The following WDR7 variants were observed in gnomAD, a reference collection of about 807,000 sequenced individuals.
WDR7 encodes the protein WD repeat domain 7.
Under a neutral mutation model 169.4 loss-of-function variants are expected in WDR7, and 46 were observed. That is an observed-to-expected ratio of 0.27 (90% CI 0.21 to 0.35). WDR7 has a LOEUF of 0.35. Ranked by LOEUF, WDR7 falls within the 10% of genes least tolerant of loss-of-function variation. The probability of loss-of-function intolerance (pLI) is 1.00; values close to 1 mark genes in which losing one functional copy is unlikely to be tolerated. For synonymous variants in WDR7, 612 were observed against 666.8 expected, an observed-to-expected ratio of 0.92 and a Z score of 1.27; for missense variants, 1,534 against 1,859.3, an observed-to-expected ratio of 0.83 and a Z score of 3.22.
chr18:56,981,787 T>G (rs751764592), intron 26 of WDR7, among the ~76,000 whole-genome samples: 17 of 152,140 alleles, frequency 1.1e-4, no homozygotes, highest in Non-Finnish European at 2.2e-4. Flanking sequence ...AGCAGTGGAC[T>G]AAGTAGGAAG....
At chr18:56,675,490 ATTTAT>A (rs1450022446) in intron 2 of WDR7, among the ~76,000 whole-genome samples, 5 of 151,656 alleles carry the variant, frequency 3.3e-5, no homozygotes, top group Non-Finnish European at 7.4e-5. Context: ...GAATTTTTCC[ATTTAT>A]TTTATTTTCA....
chr18:56,818,605 C>T (rs945234062), intron 20 of WDR7, among the ~76,000 whole-genome samples: 1 of 152,096 alleles, frequency 6.6e-6, no homozygotes, highest in African/African-American at 2.4e-5. Flanking sequence ...GCCTGTAGAT[C>T]GTTCGGGTTA....
chr18:56,774,984 A>G (rs1374652642), intron 16 of WDR7, among the ~76,000 whole-genome samples: 2 of 152,094 alleles, frequency 1.3e-5, no homozygotes, highest in African/African-American at 2.4e-5. Flanking sequence ...AATAGTTAAT[A>G]TGTTAAACAA....
At chr18:56,950,766 C>A (rs1185472866) in intron 25 of WDR7, among the ~76,000 whole-genome samples, 2 of 152,170 alleles carry the variant, frequency 1.3e-5, no homozygotes, top group Non-Finnish European at 2.9e-5. Context: ...TCTTGGGATT[C>A]CTGACTGTCC....
intron 26 of WDR7, among the ~76,000 whole-genome samples, chr18:57,010,678 A>G (rs904757024): frequency 6.6e-5 from 10 of 152,240 alleles, no homozygotes; most frequent in Admixed American, 5.9e-4. Flanking sequence ...TCAATTATGT[A>G]TAATTTAATT....
intron 16 of WDR7, among the ~76,000 whole-genome samples, chr18:56,762,029 T>C (rs1391634894): frequency 1.3e-5 from 2 of 152,076 alleles, no homozygotes; most frequent in South Asian, 2.1e-4. Context: ...TTTTATTCCT[T>C]CTTTGCTAAT....
chr18:56,931,427 T>C (rs896906307), intron 22 of WDR7, among the ~76,000 whole-genome samples: 1 of 152,256 alleles, frequency 6.6e-6, no homozygotes, highest in African/African-American at 2.4e-5. Flanking sequence ...TTGCTTTGAC[T>C]TCATTGCCTG....
At chr18:56,735,197 A>G (rs2026673261) in intron 14 of WDR7, among the ~76,000 whole-genome samples, 1 of 152,180 alleles carries the variant, frequency 6.6e-6, no homozygotes, top group South Asian at 2.1e-4. Flanking sequence ...GGCCCTGGAA[A>G]TGTGGAAAAG....
chr18:56,792,165 A>T (rs1441802208), intron 19 of WDR7, among the ~76,000 whole-genome samples: 1 of 152,086 alleles, frequency 6.6e-6, no homozygotes, highest in Non-Finnish European at 1.5e-5. Context: ...CCACAGGTGC[A>T]CGCCACCATG....
chr18:56,807,598 A>G (rs1270064901), intron 19 of WDR7, among the ~76,000 whole-genome samples: 3 of 151,954 alleles, frequency 2.0e-5, no homozygotes, highest in Non-Finnish European at 4.4e-5. Flanking sequence ...TTTTACTTAC[A>G]TATTTTTCAG....
chr18:56,666,782 T>C (rs2025033676), intron 1 of WDR7, among the ~76,000 whole-genome samples: 1 of 152,124 alleles, frequency 6.6e-6, no homozygotes, highest in South Asian at 2.1e-4. Flanking sequence ...TGAGATCAGT[T>C]TGATGTGTGA....
intron 21 of WDR7, among the ~76,000 whole-genome samples, chr18:56,891,842 C>T (rs1445836655): frequency 2.0e-5 from 3 of 152,014 alleles, no homozygotes; most frequent in Admixed American, 6.6e-5. Flanking sequence ...TTAAATATAA[C>T]ACTAAATATT....
In WDR7 at chr18:56,651,414, G is replaced by C. The variant is rs941745780; in HGVS notation, c.-182G>C. The C allele has an allele frequency of 6.5e-6, 1 of 153,502 alleles. No homozygotes were observed. The allele number at this position is 153,502 out of a possible 1,614,324, so 9.5% of individuals were successfully genotyped here. On this transcript the variant is annotated 5_prime_UTR_variant, in exon 1 of 28. Coordinates refer to ENST00000254442, the MANE Select transcript of WDR7 (RefSeq NM_015285.3). ...GCACCGGCACCTTGCAGTATCACTG[G>C]GGAGACGGCGGCTGTATAGCGCTTG...
chr18:56,761,368 T>C (rs142494436), intron 16 of WDR7, among the ~76,000 whole-genome samples: 7 of 152,296 alleles, frequency 4.6e-5, no homozygotes, highest in African/African-American at 1.2e-4. Context: ...CATTGATTGG[T>C]TTGTCTAGCC....
intron 20 of WDR7, among the ~76,000 whole-genome samples, chr18:56,871,332 A>G (rs555012333): frequency 3.3e-5 from 5 of 152,280 alleles, no homozygotes; most frequent in African/African-American, 1.2e-4. Flanking sequence ...ACCATAATAG[A>G]AAGTATTTTC....
intron 19 of WDR7, among the ~76,000 whole-genome samples, chr18:56,782,569 G>A (rs1194936028): frequency 6.6e-6 from 1 of 151,788 alleles, no homozygotes; most frequent in Non-Finnish European, 1.5e-5. Flanking sequence ...AAGTGTGAGT[G>A]AAACTTTAAA....
At chr18:57,011,799 C>CT (rs2048140438) in intron 26 of WDR7, among the ~76,000 whole-genome samples, 1 of 145,836 alleles carries the variant, frequency 6.9e-6, no homozygotes. Context: ...AAGCTGAGTT[C>CT]TTTTCAATAC....
At chr18:56,677,120 T>A (rs750935949) in intron 2 of WDR7, among the ~76,000 whole-genome samples, 5 of 152,222 alleles carry the variant, frequency 3.3e-5, no homozygotes, top group Non-Finnish European at 5.9e-5. Flanking sequence ...AACATCCTTT[T>A]CTTTCTGATC....
rs1195417384 is a variant in WDR7, at chr18:56,694,756, A to G, written c.1104A>G (p.Glu368=). ...ACACAGCTGATAAACAGGGAAGTGA[A>G]GAAGGTAATAGTAAATCATGTGTAA... The part of the protein sequence containing the change: ...ISDTADKQGS[E]EGLAMTTSIS... Residue 368 remains glutamate (E), a synonymous_variant, in exon 10 of 28, where the codon GAA becomes GAG. Transcript: ENST00000254442. 2 of 1,605,294 alleles carry G rather than the reference A, an allele frequency of 1.2e-6. No individual in the cohort carries two copies. Among genetic ancestry groups the G allele is most frequent in the African/African-American group, 1.3e-5 (1 of 74,680 alleles).
Sources: allele counts gnomAD v4.1 joint callset (sites outside exome capture counted in the v4.1 genomes callset), GRCh38; gene constraint gnomAD v4.1.1; transcripts MANE v1.5; gene names NCBI Gene and HGNC (gene_info 2026-07-23, HGNC 2026-07-21).